Variants in DLGAP1 observed in about 807,000 individuals in gnomAD.
DLGAP1 encodes the protein disks large-associated protein 1.
DLGAP1 carries 11 observed loss-of-function variants against 90.8 expected under a neutral mutation model. The observed-to-expected ratio is 0.12, with a 90% confidence interval of 0.08 to 0.20. DLGAP1 has a LOEUF of 0.20. Among genes scored for constraint, DLGAP1 ranks in the 10% least tolerant of loss-of-function variants. The pLI, the probability that DLGAP1 is intolerant of heterozygous loss-of-function variation, is 1.00. For missense variants in DLGAP1, 1,050 were observed against 1,333.8 expected (o/e 0.79, Z 3.31); for synonymous variants, 558 against 540.7 (o/e 1.03, Z -0.44).
intron 1 of DLGAP1, among the ~76,000 whole-genome samples, chr18:4,201,932 G>A (rs60553776): frequency 0.072 from 11,009 of 151,978 alleles, 1,142 homozygotes; most frequent in African/African-American, 0.23. Context: ...CTCAAAAAAC[G>A]GAAAGTAGAT....
Position 3,729,843 on chromosome 18 carries a change from T to G in DLGAP1, c.1351-468A>C, listed in dbSNP as rs923102209. Among the ~76,000 whole-genome samples the G allele has an allele frequency of 1.4e-4, 22 of 152,244 alleles. No individual in the cohort carries two copies. The highest frequency in any genetic ancestry group is 5.3e-4 in the African/African-American group (22 of 41,466). ...TTTACCAGTCCATTGTCAGAGTTCA[T>G]GTATTTTGGTATCACTTTTTAGCAC... On this transcript the variant is annotated intron_variant, in intron 6 of 12. Coordinates refer to ENST00000315677, the MANE Select transcript of DLGAP1 (RefSeq NM_004746.4). This position sits in a 1 kb window ranked among gnomAD's most constrained non-coding sequence, Gnocchi z 6.2.
intron 2 of DLGAP1, among the ~76,000 whole-genome samples, chr18:4,057,042 C>CACAT (rs2075229911): frequency 6.7e-6 from 1 of 150,266 alleles, no homozygotes; most frequent in Admixed American, 6.6e-5. Context: ...CACACACACA[C>CACAT]ACACACACAC....
At chr18:3,979,509 T>C in intron 3 of DLGAP1, among the ~76,000 whole-genome samples, 2 of 152,210 alleles carry the variant, frequency 1.3e-5, no homozygotes, top group East Asian at 3.9e-4. Context: ...GAAAAGCGTA[T>C]CTCTTAGAAA....
At chr18:3,825,784 T>C (rs531773040) in intron 4 of DLGAP1, among the ~76,000 whole-genome samples, 13 of 152,174 alleles carry the variant, frequency 8.5e-5, no homozygotes, top group African/African-American at 2.4e-4. Context: ...TGAGTATATA[T>C]AGGAAAATAA....
rs549558182 is a variant in DLGAP1, at chr18:4,245,237, T to G, written c.-266-93950A>C. ...GGGTATTATCAGTATAATAGTATTC[T>G]GTAAAATCCGAATATTTTCATATTA... On this transcript the variant is annotated intron_variant, in intron 1 of 12. Coordinates refer to ENST00000315677, the MANE Select transcript of DLGAP1 (RefSeq NM_004746.4). Among the ~76,000 whole-genome samples, 50 of 152,350 alleles carry G rather than the reference T, an allele frequency of 3.3e-4. No individual in the cohort carries two copies. In the South Asian group the frequency reaches 9.7e-3, roughly 30 times the overall value.
In DLGAP1 at chr18:4,090,157, T is replaced by C. The variant is rs193163819; in HGVS notation, c.-159+61023A>G. 1.5e-3 allele frequency among the ~76,000 whole-genome samples: 224 copies of C among 152,302 alleles called. 1 individual carries two copies. Among genetic ancestry groups the C allele is most frequent in the African/African-American group, 5.3e-3 (219 of 41,576 alleles). ...ACTATAAAAACCTTGGAAGAAAATG[T>C]AGGCAATACTATTCAGGACATAGGC... On this transcript the variant is annotated intron_variant, in intron 2 of 12. Coordinates refer to ENST00000315677, the MANE Select transcript of DLGAP1 (RefSeq NM_004746.4).
chr18:3,857,307 T>C (rs1355349037), intron 4 of DLGAP1, among the ~76,000 whole-genome samples: 2 of 152,218 alleles, frequency 1.3e-5, no homozygotes, highest in Admixed American at 1.3e-4. Context: ...TTATTCAAAA[T>C]GGTAAAAAGC....
chr18:4,406,938 C>CA (rs2082676008), intron 1 of DLGAP1, among the ~76,000 whole-genome samples: 1 of 152,110 alleles, frequency 6.6e-6, no homozygotes, highest in Admixed American at 6.6e-5. Flanking sequence ...GAATAAAAAG[C>CA]AATTTCTGTG....
chr18:3,731,684 C>A (rs550896354), intron 6 of DLGAP1, among the ~76,000 whole-genome samples: 1 of 151,800 alleles, frequency 6.6e-6, no homozygotes, highest in East Asian at 1.9e-4. Flanking sequence ...GCTGGGATTA[C>A]AGGTGTGAAC....
At chr18:3,523,835 A>G (rs1350904548) in intron 10 of DLGAP1, among the ~76,000 whole-genome samples, 16 of 147,864 alleles carry the variant, frequency 1.1e-4, no homozygotes, top group Admixed American at 4.8e-4. Flanking sequence ...GCGACAGAGC[A>G]AGACTCTGTC....
At chr18:3,972,507 A>ACTCT (rs748773454) in intron 3 of DLGAP1, among the ~76,000 whole-genome samples, 37 of 149,882 alleles carry the variant, frequency 2.5e-4, no homozygotes, top group South Asian at 4.3e-4. Context: ...ACACACACAC[A>ACTCT]CTCTCTCTCT....
At chr18:4,105,376 A>G (rs1386193392) in intron 2 of DLGAP1, among the ~76,000 whole-genome samples, 2 of 152,204 alleles carry the variant, frequency 1.3e-5, no homozygotes, top group African/African-American at 2.4e-5. Context: ...GGGAAAGGAA[A>G]ACCAATGTAA....
At chr18:3,527,588 T>C (rs2051726460) in intron 10 of DLGAP1, among the ~76,000 whole-genome samples, 1 of 151,688 alleles carries the variant, frequency 6.6e-6, no homozygotes, top group Non-Finnish European at 1.5e-5. Context: ...TTGTTTTGTG[T>C]TTGTTGTTTT....
At chr18:3,982,309 A>T (rs2073748840) in intron 3 of DLGAP1, among the ~76,000 whole-genome samples, 1 of 152,208 alleles carries the variant, frequency 6.6e-6, no homozygotes, top group Non-Finnish European at 1.5e-5. Flanking sequence ...CACGTCATGT[A>T]CATATCTCAG....
At chr18:4,419,002 A>G (rs1400458026) in intron 1 of DLGAP1, among the ~76,000 whole-genome samples, 1 of 152,224 alleles carries the variant, frequency 6.6e-6, no homozygotes, top group African/African-American at 2.4e-5. Flanking sequence ...GATACATTAC[A>G]TGCTGAAGAA....
chr18:3,738,156 T>C (rs1163022420), intron 6 of DLGAP1, among the ~76,000 whole-genome samples: 1 of 150,840 alleles, frequency 6.6e-6, no homozygotes, highest in East Asian at 1.9e-4. Flanking sequence ...CATTCCATGC[T>C]CATGGGTAGG....
chr18:3,843,655 A>G (rs1174673043), intron 4 of DLGAP1, among the ~76,000 whole-genome samples: 1 of 152,248 alleles, frequency 6.6e-6, no homozygotes, highest in Admixed American at 6.5e-5. Context: ...AAAGAAGAAA[A>G]CAAAATGAAC....
At chr18:3,811,149 A>T (rs2066817271) in intron 5 of DLGAP1, among the ~76,000 whole-genome samples, 2 of 152,212 alleles carry the variant, frequency 1.3e-5, no homozygotes, top group South Asian at 4.1e-4. Flanking sequence ...ATGCAGTTGA[A>T]GATGACGGAG....
At chr18:4,009,275 G>A (rs976364435) in intron 2 of DLGAP1, among the ~76,000 whole-genome samples, 8 of 152,186 alleles carry the variant, frequency 5.3e-5, no homozygotes, top group Middle Eastern at 3.4e-3. Flanking sequence ...GCAAATGAGC[G>A]GATGCGGATC....
Sources: allele counts gnomAD v4.1 joint callset (sites outside exome capture counted in the v4.1 genomes callset), GRCh38; gene constraint gnomAD v4.1.1; non-coding constraint Gnocchi (gnomAD v3.1); transcripts MANE v1.5; gene names NCBI Gene and HGNC (gene_info 2026-07-23, HGNC 2026-07-21).